AMBRA1: variants seen among roughly 807,000 people sequenced by gnomAD.
The protein encoded by AMBRA1 is activating molecule in BECN1-regulated autophagy protein 1.
In AMBRA1, 47 loss-of-function variants were observed where a neutral mutation model predicts 125.4. The ratio of observed to expected loss-of-function variants is 0.37; its 90% CI spans 0.30 to 0.48. The LOEUF is 0.48. AMBRA1 is among the 20% of genes least tolerant of loss of function. The pLI, the probability that AMBRA1 is intolerant of heterozygous loss-of-function variation, is 0.99. For missense variants in AMBRA1, 1,331 were observed against 1,693.4 expected, an observed-to-expected ratio of 0.79 and a Z score of 3.76; for synonymous variants, 626 against 655.5, an observed-to-expected ratio of 0.95 and a Z score of 0.69.
chr11:46,437,181 C>T (rs555301347), intron 12 of AMBRA1, among the ~76,000 whole-genome samples: 22 of 152,308 alleles, frequency 1.4e-4, no homozygotes, highest in African/African-American at 5.3e-4. Context: ...GATTTTCCTT[C>T]TTCTGGAAAG....
chr11:46,428,954 T>C, intron 14 of AMBRA1: 1 of 1,612,314 alleles, frequency 6.2e-7, no homozygotes, highest in Non-Finnish European at 8.5e-7. Context: ...CCAGTAGAAA[T>C]GTCTCCAGGC....
At chr11:46,427,686 T>C (rs968538764) in intron 14 of AMBRA1, among the ~76,000 whole-genome samples, 17 of 152,094 alleles carry the variant, frequency 1.1e-4, no homozygotes, top group African/African-American at 4.1e-4. Context: ...TGCTGTGCAA[T>C]CAGATTTGGG....
At chr11:46,547,029 C>G in intron 4 of AMBRA1, 84 bp downstream of exon 4, 1 of 1,346,076 alleles carries the variant, frequency 7.4e-7, no homozygotes, top group South Asian at 1.5e-5. Context: ...CAAGATCACA[C>G]CACTGGGCAA....
chr11:46,511,144 A>G (rs1951242154), intron 8 of AMBRA1, among the ~76,000 whole-genome samples: 1 of 152,222 alleles, frequency 6.6e-6, no homozygotes, highest in African/African-American at 2.4e-5. Context: ...TGCCAGGTTA[A>G]AAGTTCTGGG....
chr11:46,431,152 G>C (rs1185075380), intron 14 of AMBRA1, among the ~76,000 whole-genome samples: 1 of 152,206 alleles, frequency 6.6e-6, no homozygotes, highest in Non-Finnish European at 1.5e-5. Context: ...ACACTTGGTT[G>C]ACCTAAACCT....
chr11:46,402,920 T>G (rs1396064151), intron 17 of AMBRA1, among the ~76,000 whole-genome samples: 2 of 152,154 alleles, frequency 1.3e-5, no homozygotes, highest in East Asian at 3.9e-4. Flanking sequence ...AAGCCAAGGC[T>G]AAGAGCAACT....
In AMBRA1 at chr11:46,517,473, T is replaced by G. The variant is rs867731308; in HGVS notation, c.2073-4660A>C. 9.3e-3 allele frequency among the ~76,000 whole-genome samples: 1,229 copies of G among 131,492 alleles called. 15 individuals are homozygous for G. Among genetic ancestry groups the G allele is most frequent in the African/African-American group, 0.036 (1,147 of 31,768 alleles). 86.3% of individuals were successfully genotyped at this position (131,492 alleles called of 152,430 possible). ...TAGAAAGCATTTTATTAATAAGGTT[T>G]TTTTTTTTTTTTTTTTTTTTTTTTA... On this transcript the variant is annotated intron_variant, in intron 7 of 17. Transcript: ENST00000683756.
intron 11 of AMBRA1, among the ~76,000 whole-genome samples, chr11:46,470,186 T>C (rs1266721284): frequency 6.6e-6 from 1 of 152,134 alleles, no homozygotes; most frequent in South Asian, 2.1e-4. Context: ...CTCATGCCTA[T>C]AACCCGAGCA....
chr11:46,535,239 A>G (rs1952413593), intron 7 of AMBRA1, among the ~76,000 whole-genome samples: 1 of 152,222 alleles, frequency 6.6e-6, no homozygotes, highest in South Asian at 2.1e-4. Flanking sequence ...TTTACTGTAT[A>G]GTATCTTGAA....
intron 1 of AMBRA1, among the ~76,000 whole-genome samples, chr11:46,579,781 C>T (rs569692964): frequency 6.6e-6 from 1 of 152,164 alleles, no homozygotes; most frequent in African/African-American, 2.4e-5. Flanking sequence ...GACATGATAT[C>T]AGCTCACTAT....
At chr11:46,590,138 C>G (rs991848980) in intron 1 of AMBRA1, among the ~76,000 whole-genome samples, 17 of 151,374 alleles carry the variant, frequency 1.1e-4, no homozygotes, top group Admixed American at 5.3e-4. Context: ...TTTGGGAGGC[C>G]GAGGTGGGCA....
intron 1 of AMBRA1, among the ~76,000 whole-genome samples, chr11:46,567,927 C>A (rs1309825583): frequency 6.6e-6 from 1 of 151,932 alleles, no homozygotes; most frequent in Non-Finnish European, 1.5e-5. Context: ...GCAGGCGGAT[C>A]ACTTGACATC....
intron 7 of AMBRA1, among the ~76,000 whole-genome samples, chr11:46,529,745 GA>G (rs1451284577): frequency 6.6e-6 from 1 of 151,582 alleles, no homozygotes; most frequent in South Asian, 2.1e-4. Context: ...AATTGATATG[GA>G]AAAAAAACAT....
chr11:46,397,575 C>T lies in AMBRA1; in HGVS notation c.3772G>A (p.Val1258Ile). 6.3e-7 allele frequency: 1 copy of T among 1,583,458 alleles called. No homozygotes were observed. Among genetic ancestry groups the T allele is most frequent in the Non-Finnish European group, 8.6e-7 (1 of 1,162,636 alleles). The change falls in exon 18 of 18, where the codon GTT becomes ATT. Residue 1258 changes from valine to isoleucine, a missense_variant. Val to Ile is a conservative substitution (Grantham distance 29, BLOSUM62 3). Transcript: ENST00000683756. Reference protein sequence around the residue: ...LPSSSPVPIPVSLPSAEGPTL... With the variant: ...LPSSSPVPIPISLPSAEGPTL... Reference sequence around the variant, plus strand: ...GGTCCCTCAGCGCTGGGAAGGGAAACAGGAATGGGGACAGGGGAGGAAGAG... The same window carrying T: ...GGTCCCTCAGCGCTGGGAAGGGAAATAGGAATGGGGACAGGGGAGGAAGAG...
rs1252707450 is a variant in AMBRA1, at chr11:46,542,842, C to T, written c.1175G>A (p.Arg392His). 20 of 1,613,794 alleles carry T rather than the reference C, an allele frequency of 1.2e-5. No homozygotes were observed. The highest frequency in any genetic ancestry group is 1.6e-4 in the Middle Eastern group (1 of 6,084). ...TLRNLSLGPT[R>H]RSLGGPLSSH... Reference sequence around the variant, plus strand: ...AGACAGAGGCCCTCCCAAAGAGCGGCGGGTAGGACCCAGACTGAGGTTGCG... The same window carrying T: ...AGACAGAGGCCCTCCCAAAGAGCGGTGGGTAGGACCCAGACTGAGGTTGCG... Residue 392 changes from arginine to histidine, a missense_variant, in exon 7 of 18, where the codon CGC (arginine) becomes CAC (histidine). Physicochemically the swap from Arg to His is conservative, Grantham distance 29. This residue lies in a region of AMBRA1 where 689 missense variants were observed against 776.5 expected (regional missense o/e 0.89). Transcript: ENST00000683756. The surrounding 1 kb of genome is among the most constrained non-coding windows in gnomAD (Gnocchi z 5.9).
chr11:46,433,574 C>A lies in AMBRA1; in HGVS notation c.2876G>T (p.Gly959Val). ...LSPMGRYVMV[G>V]LASRRILLHP... ...CAGCAGGATCCTTCGTGAGGCCAAG[C>A]CCACCATTACATATCTGCCCATTGG... The change falls in exon 14 of 18, where the codon GGC becomes GTC. Residue 959 changes from glycine (G) to valine (V), a missense_variant. Transcript: ENST00000683756. 1 of 1,614,148 alleles carries A rather than the reference C, an allele frequency of 6.2e-7. No individual in the cohort carries two copies. Among genetic ancestry groups the A allele is most frequent in the Non-Finnish European group, 8.5e-7 (1 of 1,180,004 alleles).
At chr11:46,576,763 T>TCAAATAGCTTCATGTAAATG (rs1395052606) in intron 1 of AMBRA1, among the ~76,000 whole-genome samples, 1 of 152,222 alleles carries the variant, frequency 6.6e-6, no homozygotes, top group Non-Finnish European at 1.5e-5. Flanking sequence ...GAAGCCCATT[T>TCAAATAGCTTCATGTAAATG]CAAATAGCTT....
chr11:46,548,486 T>C lies in AMBRA1; in HGVS notation c.-106A>G, dbSNP rs2042893674. 7.2e-7 allele frequency: 1 copy of C among 1,397,424 alleles called. No homozygotes were observed. The highest frequency in any genetic ancestry group is 1.4e-5 in the African/African-American group (1 of 69,838). The allele number at this position is 1,397,424 out of a possible 1,614,324, so 86.6% of individuals were successfully genotyped here. ...TGAGGCCATACAGGTCCTTGTAAGT[T>C]GTCCTCATGGAAATCTTAAGGAACA... On this transcript the variant is annotated 5_prime_UTR_variant, in exon 2 of 18. Transcript: ENST00000683756.
intron 17 of AMBRA1, among the ~76,000 whole-genome samples, 154 bp from the exon 18 acceptor site, chr11:46,398,097 G>A (rs77689289): frequency 2.9e-3 from 443 of 152,352 alleles, no homozygotes; most frequent in Non-Finnish European, 5.0e-3. Context: ...TCCGAGTCTT[G>A]AAAGCTAGAC....
Sources: allele counts gnomAD v4.1 joint callset (sites outside exome capture counted in the v4.1 genomes callset), GRCh38; gene constraint gnomAD v4.1.1; regional missense constraint gnomAD v4.1.1; non-coding constraint Gnocchi (gnomAD v3.1); transcripts MANE v1.5; gene names NCBI Gene and HGNC (gene_info 2026-07-23, HGNC 2026-07-21).